The following PLPPR1 variants were observed in gnomAD, a reference collection of about 807,000 sequenced individuals.
PLPPR1 encodes phospholipid phosphatase-related protein type 1.
PLPPR1 carries 10 observed loss-of-function variants against 33.1 expected under a neutral mutation model. The ratio of observed to expected loss-of-function variants is 0.30; its 90% CI spans 0.19 to 0.51. PLPPR1 has a LOEUF of 0.51. PLPPR1 is among the 20% of genes least tolerant of loss of function. PLPPR1 has a pLI of 0.97. For missense variants in PLPPR1, 304 were observed against 408.1 expected (o/e 0.74, Z 2.20); for synonymous variants, 151 against 151.0 (o/e 1.00, Z 0.00).
chr9:101,064,217 A>G (rs888354661), intron 1 of PLPPR1, among the ~76,000 whole-genome samples: 3 of 152,082 alleles, frequency 2.0e-5, no homozygotes, highest in African/African-American at 7.2e-5. Context: ...GCTGTATAGT[A>G]CATTACCTGA....
At chr9:101,188,748 T>C (rs1826246308) in intron 2 of PLPPR1, among the ~76,000 whole-genome samples, 1 of 152,102 alleles carries the variant, frequency 6.6e-6, no homozygotes, top group South Asian at 2.1e-4. Context: ...TTAAATTACT[T>C]TAAAATTTTA....
chr9:101,278,192 C>T (rs1392545555), intron 3 of PLPPR1, among the ~76,000 whole-genome samples: 1 of 152,178 alleles, frequency 6.6e-6, no homozygotes, highest in African/African-American at 2.4e-5. Flanking sequence ...TATAATACAT[C>T]TTTCAGTGAC....
intron 3 of PLPPR1, among the ~76,000 whole-genome samples, chr9:101,285,732 T>C (rs570727167): frequency 6.6e-6 from 1 of 152,222 alleles, no homozygotes; most frequent in Admixed American, 6.5e-5. Flanking sequence ...TGTGTGTATA[T>C]AATGCCTTCT....
chr9:101,181,426 T>C (rs1053258105), intron 1 of PLPPR1, among the ~76,000 whole-genome samples: 5 of 151,006 alleles, frequency 3.3e-5, no homozygotes, highest in African/African-American at 9.7e-5. Context: ...AAACTAAGTA[T>C]ATAATTTATC....
chr9:101,208,600 T>G (rs762492838), intron 2 of PLPPR1, among the ~76,000 whole-genome samples: 26 of 151,454 alleles, frequency 1.7e-4, no homozygotes, highest in Non-Finnish European at 8.8e-5. Context: ...CTGTTATTAG[T>G]TCAGATTAGT....
In PLPPR1 at chr9:101,317,411, C is replaced by T; in HGVS notation, c.860C>T (p.Ser287Phe). The T allele has an allele frequency of 6.2e-7, 1 of 1,614,094 alleles. No homozygotes were observed. Among genetic ancestry groups the T allele is most frequent in the Non-Finnish European group, 8.5e-7 (1 of 1,179,986 alleles). The change falls in exon 7 of 8, where the codon TCC (serine) becomes TTC (phenylalanine). Residue 287 changes from serine to phenylalanine, a missense_variant. Coordinates refer to ENST00000374874, the MANE Select transcript of PLPPR1 (RefSeq NM_207299.2). ...TTTAAAGGAACGCAAGGATCTCCTT[C>T]CAAACCCAAGCCTGAGGATCCCCGT... ...HNFKGTQGSP[S>F]KPKPEDPRGV...
chr9:101,268,911 G>A (rs1828046301), intron 2 of PLPPR1, among the ~76,000 whole-genome samples: 1 of 152,112 alleles, frequency 6.6e-6, no homozygotes, highest in Non-Finnish European at 1.5e-5. Context: ...GGATAATCAG[G>A]CAGTGGTCAG....
At chr9:101,217,360 G>T (rs1473381546) in intron 2 of PLPPR1, among the ~76,000 whole-genome samples, 1 of 152,172 alleles carries the variant, frequency 6.6e-6, no homozygotes, top group Non-Finnish European at 1.5e-5. Context: ...TATACCAAGG[G>T]TTAGCAAACT....
chr9:101,277,893 A>C (rs1466048554), intron 3 of PLPPR1, among the ~76,000 whole-genome samples: 1 of 152,184 alleles, frequency 6.6e-6, no homozygotes. Flanking sequence ...TCCTCTCAAC[A>C]ACTATGTAAT....
chr9:101,267,746 A>C (rs917062666), intron 2 of PLPPR1, among the ~76,000 whole-genome samples: 1 of 152,212 alleles, frequency 6.6e-6, no homozygotes, highest in African/African-American at 2.4e-5. Context: ...ATGCCTGTAT[A>C]ATCCTAGCAC....
intron 1 of PLPPR1, among the ~76,000 whole-genome samples, chr9:101,120,648 A>T (rs1831167454): frequency 6.6e-6 from 1 of 152,144 alleles, no homozygotes; most frequent in Admixed American, 6.5e-5. Context: ...AACAATGGAG[A>T]TGATTACACC....
chr9:101,096,656 G>A (rs1830822510), intron 1 of PLPPR1, among the ~76,000 whole-genome samples: 1 of 129,376 alleles, frequency 7.7e-6, no homozygotes, highest in African/African-American at 2.7e-5. Context: ...ATGTACATGT[G>A]TGCTGTCTAA....
chr9:101,164,368 T>TC (rs1423275344), intron 1 of PLPPR1, among the ~76,000 whole-genome samples: 1 of 151,336 alleles, frequency 6.6e-6, no homozygotes, highest in Non-Finnish European at 1.5e-5. Flanking sequence ...TTCTTTTCTT[T>TC]TTTTTTTTTT....
intron 2 of PLPPR1, among the ~76,000 whole-genome samples, chr9:101,195,633 A>T (rs941102665): frequency 5.3e-5 from 8 of 152,114 alleles, no homozygotes; most frequent in African/African-American, 1.9e-4. Context: ...AATACCTGTC[A>T]TTCCAAAGAT....
At chr9:101,276,065 C>T (rs569763257) in intron 3 of PLPPR1, among the ~76,000 whole-genome samples, 36 of 152,144 alleles carry the variant, frequency 2.4e-4, no homozygotes, top group Non-Finnish European at 4.9e-4. Flanking sequence ...GGCTGGCTGA[C>T]GAGGGGTGCA....
chr9:101,076,106 CATCTGGGA>C (rs1830532387), intron 1 of PLPPR1, among the ~76,000 whole-genome samples: 1 of 152,090 alleles, frequency 6.6e-6, no homozygotes, highest in Middle Eastern at 3.2e-3. Context: ...GCATCAATAT[CATCTGGGA>C]ATTCGTGAGT....
At chr9:101,210,913 G>A (rs936917684) in intron 2 of PLPPR1, among the ~76,000 whole-genome samples, 3 of 152,034 alleles carry the variant, frequency 2.0e-5, no homozygotes, top group Admixed American at 6.6e-5. Flanking sequence ...GACTACAGGC[G>A]CCTGCCACCA....
chr9:101,072,244 C>A (rs956306841), intron 1 of PLPPR1, among the ~76,000 whole-genome samples: 1 of 152,154 alleles, frequency 6.6e-6, no homozygotes, highest in Non-Finnish European at 1.5e-5. Flanking sequence ...AGCTCTCCTC[C>A]AAATTGTGAC....
At chr9:101,133,245 A>G (rs1831335813) in intron 1 of PLPPR1, among the ~76,000 whole-genome samples, 1 of 152,010 alleles carries the variant, frequency 6.6e-6, no homozygotes, top group Admixed American at 6.6e-5. Context: ...CTTTAATATT[A>G]TTTTCTTTTT....
Sources: allele counts gnomAD v4.1 joint callset (sites outside exome capture counted in the v4.1 genomes callset), GRCh38; gene constraint gnomAD v4.1.1; transcripts MANE v1.5; gene names NCBI Gene and HGNC (gene_info 2026-07-23, HGNC 2026-07-21).